Variants in NRXN3 observed in about 807,000 individuals in gnomAD.
The protein encoded by NRXN3 is neurexin 3, also known as neurexin III.
NRXN3 carries 32 observed loss-of-function variants against 137.6 expected under a neutral mutation model. That is an observed-to-expected ratio of 0.23 (90% CI 0.18 to 0.31). The LOEUF is 0.31. Ranked by LOEUF, NRXN3 falls within the 10% of genes least tolerant of loss-of-function variation. NRXN3 has a pLI of 1.00. For synonymous variants in NRXN3, 798 were observed against 784.5 expected, an observed-to-expected ratio of 1.02 and a Z score of -0.29; for missense variants, 1,574 against 2,062.5, an observed-to-expected ratio of 0.76 and a Z score of 4.59.
At chr14:78,798,272 G>T (rs1367096955) in intron 8 of NRXN3, among the ~76,000 whole-genome samples, 1 of 152,154 alleles carries the variant, frequency 6.6e-6, no homozygotes, top group East Asian at 1.9e-4. Flanking sequence ...CCATTCCAAA[G>T]GGGAGAAATT....
intron 16 of NRXN3, among the ~76,000 whole-genome samples, chr14:79,494,106 C>T (rs1567282742): frequency 6.6e-6 from 1 of 152,148 alleles, no homozygotes; most frequent in African/African-American, 2.4e-5. Context: ...ATAGTTGGTG[C>T]TTGGTACTAA....
chr14:79,441,726 G>A (rs1445128446), intron 15 of NRXN3, among the ~76,000 whole-genome samples: 1 of 151,794 alleles, frequency 6.6e-6, no homozygotes, highest in Non-Finnish European at 1.5e-5. Context: ...TCATATGGAT[G>A]GAGAGTGTGA....
rs560852310 is a variant in NRXN3, at chr14:78,410,037, T to G, written c.757+112177T>G. On this transcript the variant is annotated intron_variant, in intron 4 of 20. Transcript: ENST00000335750. ...TGATGCAGCAGCTCCAACCCTTACT[T>G]TACTTAGCTTCTGTCTAGGGGGAGA... 7.2e-5 allele frequency among the ~76,000 whole-genome samples: 11 copies of G among 152,292 alleles called. No homozygotes were observed. In the South Asian group the frequency reaches 2.3e-3, roughly 32 times the overall value.
At chr14:78,838,377 A>G (rs183461064) in intron 10 of NRXN3, among the ~76,000 whole-genome samples, 53 of 152,310 alleles carry the variant, frequency 3.5e-4, no homozygotes, top group Non-Finnish European at 7.1e-4. Context: ...AGAAGTAGAT[A>G]CATAGATATT....
intron 16 of NRXN3, among the ~76,000 whole-genome samples, chr14:79,504,670 T>TATAA (rs2096858848): frequency 1.4e-5 from 2 of 143,120 alleles, no homozygotes; most frequent in Admixed American, 6.9e-5. Context: ...TATATATATA[T>TATAA]ATATAAAACA....
At chr14:79,152,596 C>A (rs2059901903) in intron 15 of NRXN3, among the ~76,000 whole-genome samples, 2 of 152,046 alleles carry the variant, frequency 1.3e-5, no homozygotes, top group Admixed American at 1.3e-4. Flanking sequence ...GGAGGAGAAG[C>A]AAGACATGTC....
chr14:78,869,320 T>C (rs2099095655), intron 10 of NRXN3, among the ~76,000 whole-genome samples: 1 of 152,196 alleles, frequency 6.6e-6, no homozygotes, highest in Non-Finnish European at 1.5e-5. Context: ...TCTTTACTTA[T>C]AATAGGCTAG....
intron 10 of NRXN3, among the ~76,000 whole-genome samples, chr14:78,838,372 T>A (rs2099002867): frequency 1.3e-5 from 2 of 152,170 alleles, no homozygotes; most frequent in Non-Finnish European, 2.9e-5. Context: ...TGTGTAGAAG[T>A]AGATACATAG....
chr14:79,366,003 A>G (rs2093879566), intron 15 of NRXN3, among the ~76,000 whole-genome samples: 1 of 152,106 alleles, frequency 6.6e-6, no homozygotes, highest in Admixed American at 6.5e-5. Flanking sequence ...GCATGATGAA[A>G]ATGATTCAAG....
chr14:78,883,893 G>A (rs1231309421), intron 10 of NRXN3, among the ~76,000 whole-genome samples: 1 of 152,188 alleles, frequency 6.6e-6, no homozygotes, highest in Non-Finnish European at 1.5e-5. Context: ...TACATGGTAA[G>A]TATATAGTAC....
At chr14:78,536,432 G>A (rs995255508) in intron 4 of NRXN3, among the ~76,000 whole-genome samples, 1 of 152,112 alleles carries the variant, frequency 6.6e-6, no homozygotes, top group Non-Finnish European at 1.5e-5. Context: ...CTAAGGCATG[G>A]GGCTACTCTA....
intron 4 of NRXN3, among the ~76,000 whole-genome samples, chr14:78,480,268 A>G (rs1004220407): frequency 1.4e-4 from 21 of 152,260 alleles, no homozygotes; most frequent in Admixed American, 1.3e-3. Flanking sequence ...GAGATGTTCA[A>G]GAGGTAACTT....
rs139317090 is a variant in NRXN3 at position 79,663,084 on chromosome 14, A to C, written c.3445-694A>C. Among the ~76,000 whole-genome samples the C allele has an allele frequency of 3.7e-3, 558 of 152,206 alleles. 3 individuals are homozygous for C. The highest frequency in any genetic ancestry group is 4.2e-3 in the Non-Finnish European group (285 of 67,994). The stretch of plus-strand genomic sequence containing the variant: ...TTGCATAAGCTCTGGTCTTGAATAT[A>C]TCTCTCTTTGGATTAATCTGAGGAG... On this transcript the variant is annotated intron_variant, in intron 16 of 20. Transcript: ENST00000335750.
intron 1 of NRXN3, among the ~76,000 whole-genome samples, chr14:78,212,435 T>G (rs956224570): frequency 1.3e-5 from 2 of 152,188 alleles, no homozygotes; most frequent in Non-Finnish European, 2.9e-5. Flanking sequence ...TAGATTCTCT[T>G]GAGGACTAGT....
At chr14:79,772,355 C>G (rs1341788510) in intron 19 of NRXN3, among the ~76,000 whole-genome samples, 2 of 152,102 alleles carry the variant, frequency 1.3e-5, no homozygotes, top group Non-Finnish European at 2.9e-5. Context: ...CTGGAGGCAT[C>G]ACACTACCTG....
At chr14:79,280,649 A>G in intron 15 of NRXN3, 1 of 1,123,798 alleles carries the variant, frequency 8.9e-7, no homozygotes, top group Non-Finnish European at 1.3e-6. Context: ...ATGAATTTAA[A>G]ATGATGAAAA....
intron 15 of NRXN3, among the ~76,000 whole-genome samples, chr14:79,219,418 C>G (rs1168763136): frequency 6.6e-6 from 1 of 152,278 alleles, no homozygotes; most frequent in Non-Finnish European, 1.5e-5. Context: ...GTGTCAACCA[C>G]CATGCCTGGC....
At chr14:78,589,849 T>C (rs1298376993) in intron 4 of NRXN3, among the ~76,000 whole-genome samples, 1 of 152,130 alleles carries the variant, frequency 6.6e-6, no homozygotes, top group Non-Finnish European at 1.5e-5. Context: ...CAAATGGCCT[T>C]AAATTTGATT....
chr14:79,352,694 A>G (rs1383410207), intron 15 of NRXN3, among the ~76,000 whole-genome samples: 1 of 152,132 alleles, frequency 6.6e-6, no homozygotes, highest in Non-Finnish European at 1.5e-5. Flanking sequence ...AACAGCTAAG[A>G]TATGTCTGAT....
Sources: gnomAD v4.1 joint callset for allele counts (sites outside exome capture counted in the v4.1 genomes callset) on GRCh38, gnomAD v4.1.1 for gene constraint, MANE v1.5 for transcripts, NCBI Gene and HGNC (gene_info 2026-07-23, HGNC 2026-07-21) for gene names.